PCDH11X: variants seen among roughly 807,000 people sequenced by gnomAD.
The protein encoded by PCDH11X is protocadherin 11 X-linked.
Under a neutral mutation model 53.3 loss-of-function variants are expected in PCDH11X, and 18 were observed. The ratio of observed to expected loss-of-function variants is 0.34; its 90% CI spans 0.23 to 0.50. PCDH11X has a LOEUF of 0.50. PCDH11X is among the 20% of genes least tolerant of loss of function. The pLI is 0.98. For missense variants in PCDH11X, 570 were observed against 1,032.4 expected, an observed-to-expected ratio of 0.55 and a Z score of 6.14; for synonymous variants, 279 against 393.3, an observed-to-expected ratio of 0.71 and a Z score of 3.44.
At position 92,306,890 on chromosome X, in the gene PCDH11X, C is replaced by T. The variant is rs1407812057; in HGVS notation, c.3144+43747C>T. On this transcript the variant is annotated intron_variant, in intron 8 of 10. Coordinates refer to ENST00000682573, the MANE Select transcript of PCDH11X (RefSeq NM_032968.5). ...GCTTAAACCTGGAAGGTGGAGGTTG[C>T]AGTGAGCCAAGATCGTGCCACTGCA... Among the ~76,000 whole-genome samples the T allele has an allele frequency of 4.5e-5, 5 of 111,088 alleles. No individual in the cohort carries two copies. In the East Asian group the frequency reaches 1.4e-3, roughly 31 times the overall value.
intron 6 of PCDH11X, among the ~76,000 whole-genome samples, chrX:91,913,880 C>T (rs1941469770): frequency 9.1e-6 from 1 of 109,784 alleles, no homozygotes; most frequent in Non-Finnish European, 1.9e-5. Flanking sequence ...CCTGCAACAT[C>T]CTGGCTAACC....
chrX:92,546,820 A>G (rs962132433), intron 10 of PCDH11X, among the ~76,000 whole-genome samples: 26 of 112,065 alleles, frequency 2.3e-4, no homozygotes, highest in African/African-American at 7.5e-4. Flanking sequence ...TATATCTGAA[A>G]GTGAGCTTTA....
At chrX:91,882,806 A>G (rs1939973448) in intron 6 of PCDH11X, 1 of 1,101,623 alleles carries the variant, frequency 9.1e-7, no homozygotes, top group Admixed American at 2.7e-5. Context: ...CTGCATTTAT[A>G]TTTTGGTAAT....
At chrX:92,118,651 T>G (rs2064687084) in intron 6 of PCDH11X, among the ~76,000 whole-genome samples, 2 of 109,440 alleles carry the variant, frequency 1.8e-5, no homozygotes, top group Non-Finnish European at 3.8e-5. Flanking sequence ...GTATTTTTTT[T>G]CAGATTTGAC....
At chrX:92,535,519 C>T (rs2750942) in intron 10 of PCDH11X, among the ~76,000 whole-genome samples, 2 of 110,710 alleles carry the variant, frequency 1.8e-5, no homozygotes, top group African/African-American at 3.3e-5. Context: ...CGGGGCATAT[C>T]GGAAGGTAAA....
At chrX:91,950,354 T>G (rs2147870619) in intron 6 of PCDH11X, among the ~76,000 whole-genome samples, 1 of 108,071 alleles carries the variant, frequency 9.3e-6, no homozygotes, top group African/African-American at 3.4e-5. Context: ...CCAGTCTATA[T>G]ACTTTTGCAT....
At position 92,041,748 on chromosome X, in the gene PCDH11X, G is replaced by A. The variant is rs149276429; in HGVS notation, c.3034-159627G>A. On this transcript the variant is annotated intron_variant, in intron 6 of 10. Transcript: ENST00000682573. ...GCACTTTGGGAGGCTGAGGTGGGCA[G>A]ATTACGAGCTCAGGAGTTCGAGAGC... is the stretch of plus-strand genomic sequence containing the variant. Among the ~76,000 whole-genome samples, 556 of 112,052 alleles carry A rather than the reference G, an allele frequency of 5.0e-3. 1 individual carries two copies. Among genetic ancestry groups the A allele is most frequent in the African/African-American group, 0.016 (509 of 30,873 alleles).
chrX:92,129,221 G>A (rs1218830356), intron 6 of PCDH11X, among the ~76,000 whole-genome samples: 1 of 109,903 alleles, frequency 9.1e-6, no homozygotes, highest in Admixed American at 9.8e-5. Flanking sequence ...AGAAGCCCCT[G>A]TCTCTACTAA....
At chrX:92,155,573 C>G (rs2065514364) in intron 6 of PCDH11X, among the ~76,000 whole-genome samples, 1 of 97,686 alleles carries the variant, frequency 1.0e-5, no homozygotes, top group Non-Finnish European at 2.0e-5. Context: ...CACTACCACT[C>G]TGGTCCAAGC....
intron 6 of PCDH11X, among the ~76,000 whole-genome samples, chrX:91,999,844 G>A (rs1417120930): frequency 9.0e-6 from 1 of 111,245 alleles, no homozygotes; most frequent in Non-Finnish European, 1.9e-5. Flanking sequence ...TATGTCCTTG[G>A]ATTAAGGCTA....
intron 7 of PCDH11X, among the ~76,000 whole-genome samples, chrX:92,217,149 G>A (rs1462529550): frequency 2.7e-5 from 3 of 110,489 alleles, no homozygotes; most frequent in South Asian, 3.9e-4. Context: ...ATCAACTAAC[G>A]AGCAAAATAA....
chrX:92,135,407 C>T (rs1291328547), intron 6 of PCDH11X, among the ~76,000 whole-genome samples: 1 of 110,497 alleles, frequency 9.1e-6, no homozygotes, highest in Non-Finnish European at 1.9e-5. Context: ...ATAATTTCTT[C>T]AAGTATAGTA....
intron 7 of PCDH11X, among the ~76,000 whole-genome samples, chrX:92,253,718 T>C (rs1040207972): frequency 8.9e-5 from 10 of 111,921 alleles, no homozygotes; most frequent in African/African-American, 3.2e-4. Flanking sequence ...ATGGGATTAC[T>C]TTTTTAATCT....
chrX:92,057,810 C>G (rs1290091523), intron 6 of PCDH11X, among the ~76,000 whole-genome samples: 9 of 104,337 alleles, frequency 8.6e-5, no homozygotes, highest in Non-Finnish European at 1.7e-4. Context: ...TATACAGTCA[C>G]TCTTTAGATA....
At chrX:92,596,766 C>G (rs1235477320) in intron 10 of PCDH11X, among the ~76,000 whole-genome samples, 1 of 110,234 alleles carries the variant, frequency 9.1e-6, no homozygotes, top group African/African-American at 3.3e-5. Context: ...TAAAAGAAAA[C>G]AACAGGCCCC....
chrX:92,007,448 G>T (rs1239205839), intron 6 of PCDH11X, among the ~76,000 whole-genome samples: 1 of 110,909 alleles, frequency 9.0e-6, no homozygotes, highest in East Asian at 2.9e-4. Context: ...ATGACCCAAG[G>T]TCTCTTAAGT....
At chrX:92,387,532 A>G (rs1016312835) in intron 8 of PCDH11X, 212 of 541,477 alleles carry the variant, frequency 3.9e-4, no homozygotes, top group Non-Finnish European at 4.6e-4. Flanking sequence ...GTTTCGAAAT[A>G]TAATGGAAGC....
chrX:92,136,483 C>A lies in PCDH11X; in HGVS notation c.3034-64892C>A, dbSNP rs534108471. ...TGTATTAAATGGTTAAAAAATAAGC[C>A]CAAGAAAAATGTTACTTCACATGTG... On this transcript the variant is annotated intron_variant, in intron 6 of 10. Coordinates refer to ENST00000682573, the MANE Select transcript of PCDH11X (RefSeq NM_032968.5). 3.7e-5 allele frequency among the ~76,000 whole-genome samples: 4 copies of A among 108,027 alleles called. No homozygotes were observed. The South Asian group carries it at 1.3e-3, about 34-fold the overall frequency. 93.8% of individuals were successfully genotyped at this position (108,027 alleles called of 115,157 possible).
intron 6 of PCDH11X, among the ~76,000 whole-genome samples, chrX:92,092,787 G>A (rs1316256369): frequency 9.0e-6 from 1 of 111,609 alleles, no homozygotes; most frequent in Non-Finnish European, 1.9e-5. Flanking sequence ...AGGGTTCCAG[G>A]ATATTTTCCT....
Sources: allele counts gnomAD v4.1 joint callset (sites outside exome capture counted in the v4.1 genomes callset), GRCh38; gene constraint gnomAD v4.1.1; transcripts MANE v1.5; gene names NCBI Gene and HGNC (gene_info 2026-07-23, HGNC 2026-07-21).